The following PCCA variants were observed in gnomAD, a reference collection of about 807,000 sequenced individuals.
PCCA encodes propionyl-CoA carboxylase alpha chain, mitochondrial.
A neutral mutation model predicts 101.3 loss-of-function variants in PCCA; 74 were observed. The observed-to-expected ratio is 0.73, with a 90% confidence interval of 0.61 to 0.89. PCCA has a LOEUF of 0.89. Ranked by LOEUF, PCCA falls within the 40% of genes least tolerant of loss-of-function variation. The pLI, the probability that PCCA is intolerant of heterozygous loss-of-function variation, is 0.00. For synonymous variants in PCCA, 294 were observed against 313.6 expected (o/e 0.94, Z 0.66); for missense variants, 891 against 907.0 (o/e 0.98, Z 0.23).
At chr13:100,105,885 A>G (rs2047743551) in intron 2 of PCCA, among the ~76,000 whole-genome samples, 1 of 150,130 alleles carries the variant, frequency 6.7e-6, no homozygotes, top group Non-Finnish European at 1.5e-5. Context: ...AAAGAAAAGA[A>G]AAGGAAAAAA....
At chr13:100,282,628 A>G (rs1341226049) in intron 12 of PCCA, among the ~76,000 whole-genome samples, 2 of 152,216 alleles carry the variant, frequency 1.3e-5, no homozygotes, top group East Asian at 3.9e-4. Context: ...ACCGTGCTGC[A>G]CTATGGCTTG....
Position 100,334,121 on chromosome 13 carries a change from G to A in PCCA, c.1540+3450G>A, listed in dbSNP as rs139813653. Among the ~76,000 whole-genome samples the A allele has an allele frequency of 8.3e-3, 1,270 of 152,162 alleles. 8 individuals are homozygous for A. The highest frequency in any genetic ancestry group is 0.054 in the Middle Eastern group (16 of 294). ...AAAACAACAACAACAACAAAACACC[G>A]GAAACCCAGTTCCATTTGAGGGAAT... On this transcript the variant is annotated intron_variant, in intron 17 of 23. Coordinates refer to ENST00000376285, the MANE Select transcript of PCCA (RefSeq NM_000282.4).
intron 4 of PCCA, among the ~76,000 whole-genome samples, chr13:100,132,785 T>G (rs556216734): frequency 3.9e-5 from 6 of 152,226 alleles, no homozygotes; most frequent in East Asian, 3.9e-4. Context: ...TCAGTATTTT[T>G]TTTTTTGAGA....
At chr13:100,149,525 A>G (rs1210846277) in intron 4 of PCCA, 1 of 152,162 alleles carries the variant, frequency 6.6e-6, no homozygotes, top group African/African-American at 2.4e-5. Flanking sequence ...TTCATTGGTT[A>G]GTAATGTTTG....
chr13:100,469,210 T>TAAAAAAAAAAAAAAA (rs2082773950), intron 21 of PCCA, among the ~76,000 whole-genome samples: 1 of 22,982 alleles, frequency 4.4e-5, no homozygotes. Flanking sequence ...AAACTCCGTC[T>TAAAAAAAAAAAAAAA]CAAAAAAAAA....
intron 5 of PCCA, among the ~76,000 whole-genome samples, chr13:100,155,700 A>G (rs1209278181): frequency 6.6e-6 from 1 of 152,164 alleles, no homozygotes; most frequent in East Asian, 1.9e-4. Flanking sequence ...TTTTTTAATT[A>G]TCAGAACTAA....
At chr13:100,278,736 C>T (rs1033523651) in intron 12 of PCCA, among the ~76,000 whole-genome samples, 2 of 152,140 alleles carry the variant, frequency 1.3e-5, no homozygotes, top group African/African-American at 4.8e-5. Context: ...CCTGGGCCTA[C>T]CAAAGTGCTG....
chr13:100,199,790 C>T (rs770964664), intron 6 of PCCA, among the ~76,000 whole-genome samples: 28 of 152,092 alleles, frequency 1.8e-4, no homozygotes, highest in Non-Finnish European at 3.7e-4. Context: ...TGTTTTATTA[C>T]CACTGGTACA....
At chr13:100,445,786 A>T (rs948413433) in intron 20 of PCCA, among the ~76,000 whole-genome samples, 1 of 150,732 alleles carries the variant, frequency 6.6e-6, no homozygotes, top group Non-Finnish European at 1.5e-5. Flanking sequence ...TTTGCATATT[A>T]TACCACATTC....
intron 4 of PCCA, among the ~76,000 whole-genome samples, chr13:100,122,149 A>T (rs2049466596): frequency 6.6e-6 from 1 of 152,154 alleles, no homozygotes; most frequent in Admixed American, 6.6e-5. Flanking sequence ...GTGTATTGTT[A>T]CATTAATTGA....
chr13:100,342,126 C>T (rs1026163943), intron 18 of PCCA, among the ~76,000 whole-genome samples: 1 of 151,844 alleles, frequency 6.6e-6, no homozygotes, highest in African/African-American at 2.4e-5. Context: ...CCCATGCACA[C>T]ATTATCTAGC....
chr13:100,312,226 T>C (rs1442172519), intron 16 of PCCA, among the ~76,000 whole-genome samples: 1 of 152,202 alleles, frequency 6.6e-6, no homozygotes, highest in African/African-American at 2.4e-5. Context: ...TAATATAGCT[T>C]TGTAGGTGCC....
intron 21 of PCCA, among the ~76,000 whole-genome samples, chr13:100,457,095 T>C (rs1194303145): frequency 1.3e-5 from 2 of 152,160 alleles, no homozygotes. Flanking sequence ...CCTGACCCTA[T>C]GCCCGCCGGT....
At chr13:100,272,124 C>T (rs1448356351) in intron 11 of PCCA, among the ~76,000 whole-genome samples, 8 of 152,082 alleles carry the variant, frequency 5.3e-5, no homozygotes, top group Non-Finnish European at 8.8e-5. Flanking sequence ...TTGTTGAAGT[C>T]ATTTTAGCTT....
In PCCA at chr13:100,207,388, A is replaced by G. The variant is rs374497628; in HGVS notation, c.469-1944A>G. Among the ~76,000 whole-genome samples the G allele has an allele frequency of 4.6e-5, 7 of 151,884 alleles. No homozygotes were observed. The East Asian group carries it at 1.2e-3, about 25-fold the overall frequency. Reference sequence around the variant, plus strand: ...TTTCATTCACAACTTTTATTTTTGTATTTATTTTTTTGAGATGGAGTCTCG... The same window carrying G: ...TTTCATTCACAACTTTTATTTTTGTGTTTATTTTTTTGAGATGGAGTCTCG... On this transcript the variant is annotated intron_variant, in intron 6 of 23. Coordinates refer to ENST00000376285, the MANE Select transcript of PCCA (RefSeq NM_000282.4).
intron 21 of PCCA, among the ~76,000 whole-genome samples, chr13:100,512,217 C>G (rs1325939647): frequency 6.6e-6 from 1 of 152,172 alleles, no homozygotes; most frequent in East Asian, 1.9e-4. Context: ...CCTCCTGACC[C>G]TTTCATGTCA....
At chr13:100,176,900 TAA>T (rs1233821442) in intron 6 of PCCA, among the ~76,000 whole-genome samples, 3 of 152,224 alleles carry the variant, frequency 2.0e-5, no homozygotes, top group Non-Finnish European at 4.4e-5. Flanking sequence ...GTAAAAAATG[TAA>T]ATTTACCTTC....
intron 17 of PCCA, among the ~76,000 whole-genome samples, chr13:100,339,390 A>T (rs2390464): frequency 6.6e-6 from 1 of 152,134 alleles, no homozygotes; most frequent in South Asian, 2.1e-4. Flanking sequence ...TCTACTATCT[A>T]TATGTAGTAC....
chr13:100,263,656 A>C (rs1469821679), intron 10 of PCCA, among the ~76,000 whole-genome samples: 1 of 152,182 alleles, frequency 6.6e-6, no homozygotes, highest in Non-Finnish European at 1.5e-5. Context: ...CCAAACTTAT[A>C]TAATCAGTTG....
Sources: gnomAD v4.1 joint callset for allele counts (sites outside exome capture counted in the v4.1 genomes callset) on GRCh38, gnomAD v4.1.1 for gene constraint, MANE v1.5 for transcripts, NCBI Gene and HGNC (gene_info 2026-07-23, HGNC 2026-07-21) for gene names.